LRRC37A: variants seen among roughly 807,000 people sequenced by gnomAD.
The protein encoded by LRRC37A is leucine rich repeat containing 37A.
In LRRC37A, 3 loss-of-function variants were observed where a neutral mutation model predicts 35.4. The ratio of observed to expected loss-of-function variants is 0.08; its 90% confidence interval spans 0.04 to 0.22. LRRC37A has a LOEUF of 0.22. Among genes scored for constraint, LRRC37A ranks in the 10% least tolerant of loss-of-function variants. The probability of loss-of-function intolerance (pLI) is 1.00; values close to 1 mark genes in which losing one functional copy is unlikely to be tolerated. For missense variants in LRRC37A, 67 were observed against 565.3 expected (o/e 0.12, Z 8.94); for synonymous variants, 23 against 215.0 (o/e 0.11, Z 7.81).
At chr17:46,272,786 C>A in the LRRC37A span, among the ~76,000 whole-genome samples, 1 of 152,194 alleles carries the variant, frequency 6.6e-6, no homozygotes, top group South Asian at 2.1e-4. Flanking sequence ...TATAAAATGT[C>A]TTTATGTATT....
chr17:46,287,536 T>G, the LRRC37A span, among the ~76,000 whole-genome samples: 6 of 152,240 alleles, frequency 3.9e-5, no homozygotes, highest in Admixed American at 3.3e-4. Context: ...CTAAGAAAGG[T>G]ACATAGAGCA....
the LRRC37A span, among the ~76,000 whole-genome samples, chr17:46,276,758 A>G: frequency 4.0e-5 from 6 of 151,688 alleles, no homozygotes; most frequent in Non-Finnish European, 8.8e-5. Context: ...GTCTTTATAC[A>G]ATTCTTTGCA....
chr17:46,259,639 A>T, the LRRC37A span: 14 of 1,604,666 alleles, frequency 8.7e-6, no homozygotes, highest in African/African-American at 1.7e-4. Flanking sequence ...CCCTACAGAC[A>T]CAGCATCCTT....
chr17:46,269,259 C>A, the LRRC37A span, among the ~76,000 whole-genome samples: 2 of 152,210 alleles, frequency 1.3e-5, no homozygotes, highest in Admixed American at 6.5e-5. Flanking sequence ...CCAAGCCGGG[C>A]GCGGTGGCTC....
In LRRC37A at chr17:46,330,990, C is replaced by G. The variant is rs752087224; in HGVS notation, c.3713C>G (p.Thr1238Ser). The change falls in exon 9 of 14, where the codon ACC (threonine) becomes AGC (serine). Residue 1238 changes from threonine (T) to serine (S), a missense_variant. Thr to Ser is a moderately conservative substitution (Grantham distance 58). Transcript: ENST00000320254. ...GCCGTCTACACCAAGCCTTCGTTCA[C>G]CCAAGAGCATAAGGCAGCAGTCTCT... 4.7e-5 allele frequency: 34 copies of G among 724,038 alleles called. 12 individuals are homozygous for G. The highest frequency in any genetic ancestry group is 2.0e-4 in the Admixed American group (7 of 34,210). The allele number at this position is 724,038 out of a possible 1,614,324, so 44.9% of individuals were successfully genotyped here.
the LRRC37A span, among the ~76,000 whole-genome samples, chr17:46,252,568 GA>G: frequency 6.7e-6 from 1 of 149,082 alleles, no homozygotes; most frequent in African/African-American, 2.4e-5. Flanking sequence ...AGGGAGTGGT[GA>G]TGACTCTTAA....
the LRRC37A span, among the ~76,000 whole-genome samples, chr17:46,248,348 C>T: frequency 1.6e-4 from 25 of 152,206 alleles, no homozygotes; most frequent in Admixed American, 1.2e-3. Flanking sequence ...CAATATAAAG[C>T]ATTTCTGTCG....
At chr17:46,278,364 CTTTTT>C in the LRRC37A span, among the ~76,000 whole-genome samples, 1 of 151,266 alleles carries the variant, frequency 6.6e-6, no homozygotes, top group Non-Finnish European at 1.5e-5. Flanking sequence ...GAGTCCTAGT[CTTTTT>C]TGTTTTGTTT....
chr17:46,256,523 T>C, the LRRC37A span, among the ~76,000 whole-genome samples: 21,397 of 151,246 alleles, frequency 0.14, 2,058 homozygotes, highest in Non-Finnish European at 0.21. Flanking sequence ...AGCACCCAAT[T>C]GTGCTATCAC....
chr17:46,267,033 T>G, the LRRC37A span: 1 of 213,082 alleles, frequency 4.7e-6, no homozygotes, highest in Non-Finnish European at 8.8e-6. Flanking sequence ...CCGCCGCGCC[T>G]CAGCTTCAGA....
At chr17:46,292,778 A>G (rs2050109858), upstream of LRRC37A, 1 of 78,766 alleles carries the variant, frequency 1.3e-5, no homozygotes, top group East Asian at 2.4e-4. Context: ...TTGGATCTCA[A>G]TATCTCCCAC....
At chr17:46,332,943 G>A (rs1181505598) in intron 10 of LRRC37A, among the ~76,000 whole-genome samples, 1 of 151,304 alleles carries the variant, frequency 6.6e-6, no homozygotes, top group East Asian at 1.9e-4. Flanking sequence ...CCAAAACTAT[G>A]TCAACAATTG....
the LRRC37A span, among the ~76,000 whole-genome samples, chr17:46,284,103 T>C: frequency 1.3e-5 from 2 of 152,232 alleles, no homozygotes; most frequent in Admixed American, 6.5e-5. Flanking sequence ...CTTCCTCTTG[T>C]CTCAACTGCA....
chr17:46,259,871 T>G, the LRRC37A span: 1 of 1,563,990 alleles, frequency 6.4e-7, no homozygotes, highest in Non-Finnish European at 8.6e-7. Flanking sequence ...AACTTGTCCC[T>G]TGCCAAGGCC....
At chr17:46,271,182 T>TTTTTTTTC in the LRRC37A span, among the ~76,000 whole-genome samples, 11 of 149,676 alleles carry the variant, frequency 7.3e-5, no homozygotes, top group Admixed American at 2.7e-4. Flanking sequence ...TTTTTTTTTT[T>TTTTTTTTC]GAGAAGGAGT....
Position 46,331,152 on chromosome 17 carries a change from C to T in LRRC37A, c.3875C>T (p.Thr1292Met), listed in dbSNP as rs1184078874. The change falls in exon 9 of 14, where the codon ACG becomes ATG. Residue 1292 changes from threonine (T) to methionine (M), a missense_variant. Coordinates refer to ENST00000320254, the Ensembl canonical transcript of LRRC37A. ...AGTGCAAAGGCTAGAGTTACAAATA[C>T]GAAGACGTCTAAACCAATCGTACAT... 32 of 736,230 alleles carry T rather than the reference C, an allele frequency of 4.3e-5. 11 individuals are homozygous for T. Among genetic ancestry groups the T allele is most frequent in the South Asian group, 5.5e-5 (2 of 36,256 alleles). 45.6% of individuals were successfully genotyped at this position (736,230 alleles called of 1,614,324 possible). A position where few individuals can be genotyped will look rare whatever the true frequency, so the allele number is the denominator to read the frequency against.
intron 10 of LRRC37A, 63 bp downstream of exon 10, chr17:46,332,719 T>A (rs1407649455): frequency 3.1e-6 from 2 of 644,160 alleles, no homozygotes; most frequent in Non-Finnish European, 5.1e-6. Context: ...GATTCAGAGC[T>A]CACAAACTGA....
At chr17:46,285,096 T>G in the LRRC37A span, among the ~76,000 whole-genome samples, 89 of 152,352 alleles carry the variant, frequency 5.8e-4, no homozygotes, top group Non-Finnish European at 2.1e-4. Flanking sequence ...CTCTAACTAA[T>G]TGACTCAAGT....
the LRRC37A span, among the ~76,000 whole-genome samples, chr17:46,263,078 T>C: frequency 1.6e-3 from 243 of 151,876 alleles, no homozygotes; most frequent in African/African-American, 5.6e-3. Context: ...CTGGGTTTGG[T>C]GGTGGGTACC....
Sources: allele counts gnomAD v4.1 joint callset (sites outside exome capture counted in the v4.1 genomes callset), GRCh38; gene constraint gnomAD v4.1.1; transcripts MANE v1.5; gene names NCBI Gene and HGNC (gene_info 2026-07-23, HGNC 2026-07-21).